DLG2: variants seen among roughly 807,000 people sequenced by gnomAD.
The protein encoded by DLG2 is disks large homolog 2.
Under a neutral mutation model 132.5 loss-of-function variants are expected in DLG2, and 45 were observed. That is an observed-to-expected ratio of 0.34 (90% CI 0.27 to 0.44). DLG2 has a LOEUF of 0.44. Among genes scored for constraint, DLG2 ranks in the 20% least tolerant of loss-of-function variants. DLG2 has a pLI of 1.00. For missense variants in DLG2, 1,045 were observed against 1,196.9 expected (o/e 0.87, Z 1.87); for synonymous variants, 424 against 419.6 (o/e 1.01, Z -0.13).
intron 6 of DLG2, among the ~76,000 whole-genome samples, chr11:84,538,431 G>C (rs752546864): frequency 6.6e-6 from 1 of 152,138 alleles, no homozygotes; most frequent in African/African-American, 2.4e-5. Context: ...CTCCTCTCTT[G>C]GATGTCCACA....
At chr11:85,167,112 C>T (rs774077371) in intron 4 of DLG2, among the ~76,000 whole-genome samples, 1 of 151,968 alleles carries the variant, frequency 6.6e-6, no homozygotes, top group Non-Finnish European at 1.5e-5. Context: ...CTTGCAGGAA[C>T]CAAAAGCCAT....
intron 8 of DLG2, among the ~76,000 whole-genome samples, chr11:84,174,984 T>C (rs1295123187): frequency 2.6e-5 from 4 of 152,132 alleles, no homozygotes; most frequent in Non-Finnish European, 2.9e-5. Flanking sequence ...AGTTAAACAA[T>C]TTTTTCAAGG....
chr11:85,422,272 A>G (rs951911759), intron 3 of DLG2, among the ~76,000 whole-genome samples: 1 of 152,146 alleles, frequency 6.6e-6, no homozygotes, highest in Non-Finnish European at 1.5e-5. Flanking sequence ...TTATTCCTCT[A>G]AATATGCTTT....
At chr11:84,145,347 G>T (rs1449705242) in intron 9 of DLG2, among the ~76,000 whole-genome samples, 1 of 152,184 alleles carries the variant, frequency 6.6e-6, no homozygotes, top group Non-Finnish European at 1.5e-5. Flanking sequence ...TATAGCCTAG[G>T]CTACATGGTA....
chr11:84,637,562 C>A (rs1172610138), intron 6 of DLG2, among the ~76,000 whole-genome samples: 1 of 152,114 alleles, frequency 6.6e-6, no homozygotes, highest in Non-Finnish European at 1.5e-5. Context: ...AAACTATAAC[C>A]CAAAACTGCA....
chr11:84,987,311 C>T (rs1005391445), intron 6 of DLG2, among the ~76,000 whole-genome samples: 1 of 151,868 alleles, frequency 6.6e-6, no homozygotes, highest in South Asian at 2.1e-4. Context: ...TAGGTAGAAT[C>T]AATATTGTGA....
chr11:84,986,169 C>T (rs969800056), intron 6 of DLG2, among the ~76,000 whole-genome samples: 6 of 151,962 alleles, frequency 3.9e-5, no homozygotes, highest in Non-Finnish European at 7.4e-5. Context: ...AAGGCCCCTA[C>T]GAACACCTTT....
intron 8 of DLG2, among the ~76,000 whole-genome samples, chr11:84,221,855 G>T (rs1433602365): frequency 6.6e-6 from 1 of 151,808 alleles, no homozygotes; most frequent in Non-Finnish European, 1.5e-5. Flanking sequence ...TTGGCCCTCA[G>T]ATAACATTAA....
intron 18 of DLG2, among the ~76,000 whole-genome samples, chr11:83,699,221 C>T (rs1216847388): frequency 6.6e-6 from 1 of 152,104 alleles, no homozygotes; most frequent in East Asian, 1.9e-4. Context: ...AAACAAAGCA[C>T]ATCAACCTGC....
At chr11:85,066,788 C>T (rs1439408900) in intron 6 of DLG2, among the ~76,000 whole-genome samples, 1 of 151,582 alleles carries the variant, frequency 6.6e-6, no homozygotes, top group Non-Finnish European at 1.5e-5. Flanking sequence ...AAAAAACGAG[C>T]TTCAAGACAA....
chr11:83,809,832 T>C (rs898813500), intron 17 of DLG2, among the ~76,000 whole-genome samples: 8 of 152,130 alleles, frequency 5.3e-5, no homozygotes, highest in Non-Finnish European at 8.8e-5. Context: ...AATTCACATT[T>C]GGAGATGTGA....
At chr11:83,651,762 T>C in intron 18 of DLG2, 1 of 462,932 alleles carries the variant, frequency 2.2e-6, no homozygotes, top group Middle Eastern at 3.3e-4. Context: ...GTAAAGAGCA[T>C]CTAATAGGGA....
intron 18 of DLG2, among the ~76,000 whole-genome samples, chr11:83,734,830 T>C (rs569849516): frequency 3.5e-4 from 54 of 152,222 alleles, no homozygotes; most frequent in Non-Finnish European, 7.1e-4. Flanking sequence ...GAAACATTTA[T>C]GTCAATTGTT....
chr11:83,611,457 C>T (rs576576627), intron 19 of DLG2, among the ~76,000 whole-genome samples: 7 of 152,252 alleles, frequency 4.6e-5, no homozygotes, highest in South Asian at 4.1e-4. Flanking sequence ...AAACAAACAT[C>T]GTGTGATGAC....
At chr11:84,705,375 C>T (rs1051870570) in intron 6 of DLG2, among the ~76,000 whole-genome samples, 1 of 151,680 alleles carries the variant, frequency 6.6e-6, no homozygotes, top group Non-Finnish European at 1.5e-5. Flanking sequence ...CCTCATCCTA[C>T]AAAGTACAGG....
intron 8 of DLG2, among the ~76,000 whole-genome samples, chr11:84,249,531 A>G (rs1463763443): frequency 6.6e-6 from 1 of 152,144 alleles, no homozygotes; most frequent in Non-Finnish European, 1.5e-5. Flanking sequence ...TTTATGACTC[A>G]TTTTTTCCCA....
Position 85,598,654 on chromosome 11 carries a change from T to C in DLG2, c.40+3A>G, listed in dbSNP as rs747971699. The C allele has an allele frequency of 2.2e-5, 35 of 1,565,326 alleles. 1 individual carries two copies. In the South Asian group the frequency reaches 2.5e-4, roughly 11 times the overall value. ...AATGATGAATAACTTTCATAATACA[T>C]ACCTAGCAAAGCTTGGAATAAGCTG... On this transcript the variant is annotated splice_donor_region_variant and intron_variant, in intron 3 of 27. Coordinates refer to ENST00000376104, the MANE Select transcript of DLG2 (RefSeq NM_001142699.3).
intron 16 of DLG2, among the ~76,000 whole-genome samples, chr11:83,856,533 C>A (rs1427054829): frequency 6.6e-6 from 1 of 152,102 alleles, no homozygotes; most frequent in African/African-American, 2.4e-5. Context: ...TTCTGACTGG[C>A]ATGAGATGGT....
chr11:84,819,442 G>A (rs577289713), intron 6 of DLG2, among the ~76,000 whole-genome samples: 1 of 151,912 alleles, frequency 6.6e-6, no homozygotes, highest in African/African-American at 2.4e-5. Context: ...AAATGTCACA[G>A]GTGAATATTT....
Sources: gnomAD v4.1 joint callset for allele counts (sites outside exome capture counted in the v4.1 genomes callset) on GRCh38, gnomAD v4.1.1 for gene constraint, MANE v1.5 for transcripts, NCBI Gene and HGNC (gene_info 2026-07-23, HGNC 2026-07-21) for gene names.